The following SLC25A26 variants were observed in gnomAD, a reference collection of about 807,000 sequenced individuals.
SLC25A26 encodes the protein solute carrier family 25 member 26.
Under a neutral mutation model 37.8 loss-of-function variants are expected in SLC25A26, and 36 were observed. That is an observed-to-expected ratio of 0.95 (90% CI 0.73 to 1.26). The LOEUF is 1.26. Ranked by LOEUF, SLC25A26 falls within the 50% of genes most tolerant of loss-of-function variation. The pLI, the probability that SLC25A26 is intolerant of heterozygous loss-of-function variation, is 0.00. For missense variants in SLC25A26, 390 were observed against 331.1 expected, an observed-to-expected ratio of 1.18 and a Z score of -1.38; for synonymous variants, 129 against 122.5, an observed-to-expected ratio of 1.05 and a Z score of -0.35.
chr3:66,179,499 G>A (rs1159018592), intron 1 of SLC25A26, among the ~76,000 whole-genome samples: 1 of 152,176 alleles, frequency 6.6e-6, no homozygotes, highest in Non-Finnish European at 1.5e-5. Flanking sequence ...TTCCGAAAAT[G>A]TAAGATTAGC....
At chr3:66,204,887 A>G (rs1363364644) in intron 1 of SLC25A26, among the ~76,000 whole-genome samples, 2 of 152,186 alleles carry the variant, frequency 1.3e-5, no homozygotes, top group Admixed American at 6.5e-5. Context: ...AACATTTTAA[A>G]CAGCTGACTG....
Position 66,147,330 on chromosome 3 carries a change from A to G in SLC25A26, c.-354+13346A>G, listed in dbSNP as rs1010976450. On this transcript the variant is annotated intron_variant, in intron 1 of 10. Transcript: ENST00000676754. ...AGGCACTCACCACCACGTCCAGATA[A>G]TTTTTTATTTTTTGTAGAGATGGGG... 3.3e-5 allele frequency among the ~76,000 whole-genome samples: 5 copies of G among 150,642 alleles called. No homozygotes were observed. In the South Asian group the frequency reaches 1.1e-3, roughly 32 times the overall value.
At chr3:66,211,414 G>A (rs1052253151) in intron 1 of SLC25A26, among the ~76,000 whole-genome samples, 14 of 152,322 alleles carry the variant, frequency 9.2e-5, no homozygotes, top group East Asian at 1.9e-4. Flanking sequence ...GCACGTAATC[G>A]TGAGGGAGCC....
intron 5 of SLC25A26, 140 bp from the exon 6 acceptor site, chr3:66,346,224 T>C (rs1013441721): frequency 1.1e-5 from 5 of 464,090 alleles, no homozygotes; most frequent in Non-Finnish European, 1.9e-5. Flanking sequence ...TTTCTAAACA[T>C]TATGTCTACT....
intron 5 of SLC25A26, among the ~76,000 whole-genome samples, chr3:66,327,881 G>A (rs1479255030): frequency 1.5e-5 from 2 of 130,056 alleles, no homozygotes; most frequent in Non-Finnish European, 3.1e-5. Context: ...ATTACAAGTA[G>A]GGGATTTTTT....
intron 5 of SLC25A26, among the ~76,000 whole-genome samples, chr3:66,283,717 G>T (rs1328564911): frequency 6.6e-6 from 1 of 152,026 alleles, no homozygotes; most frequent in Non-Finnish European, 1.5e-5. Flanking sequence ...ATTTATTATT[G>T]TTTTAATCTT....
At chr3:66,180,965 T>G (rs2070694298) in intron 1 of SLC25A26, among the ~76,000 whole-genome samples, 1 of 151,994 alleles carries the variant, frequency 6.6e-6, no homozygotes, top group African/African-American at 2.4e-5. Flanking sequence ...GGAGTGTACA[T>G]ACACAGGAAA....
At chr3:66,198,980 C>T in intron 1 of SLC25A26, among the ~76,000 whole-genome samples, 1 of 152,118 alleles carries the variant, frequency 6.6e-6, no homozygotes. Context: ...GTGACCCCAA[C>T]CCTAACCATG....
intron 3 of SLC25A26, among the ~76,000 whole-genome samples, chr3:66,257,877 C>T (rs765150686): frequency 6.6e-6 from 1 of 152,156 alleles, no homozygotes; most frequent in Non-Finnish European, 1.5e-5. Context: ...GAAGCAATAC[C>T]GGTGAACTCT....
chr3:66,334,017 T>C (rs887039631), intron 5 of SLC25A26, among the ~76,000 whole-genome samples: 12 of 152,170 alleles, frequency 7.9e-5, no homozygotes, highest in African/African-American at 2.7e-4. Context: ...TGGAATCTTT[T>C]TGGGCCTAGA....
chr3:66,302,487 T>G (rs988386038), intron 5 of SLC25A26, among the ~76,000 whole-genome samples: 7 of 151,636 alleles, frequency 4.6e-5, no homozygotes, highest in Non-Finnish European at 8.8e-5. Flanking sequence ...TTGACACTTT[T>G]CTCATTCTAG....
chr3:66,300,688 GA>G (rs1159433136), intron 5 of SLC25A26, among the ~76,000 whole-genome samples: 1 of 151,746 alleles, frequency 6.6e-6, no homozygotes, highest in African/African-American at 2.4e-5. Flanking sequence ...TTTGCTTCAT[GA>G]AAAAAAGTTT....
intron 5 of SLC25A26, among the ~76,000 whole-genome samples, chr3:66,284,693 A>G (rs562015913): frequency 4.6e-5 from 7 of 152,200 alleles, no homozygotes; most frequent in Non-Finnish European, 8.8e-5. Context: ...ATTTCATAAC[A>G]AGAGATGCAA....
intron 6 of SLC25A26, among the ~76,000 whole-genome samples, chr3:66,348,990 A>G (rs868230787): frequency 3.9e-5 from 6 of 152,254 alleles, no homozygotes; most frequent in African/African-American, 7.2e-5. Flanking sequence ...TAGTGTCTCA[A>G]TAACCAGCAT....
intron 1 of SLC25A26, among the ~76,000 whole-genome samples, chr3:66,178,118 T>A (rs905404351): frequency 3.3e-5 from 5 of 152,144 alleles, no homozygotes; most frequent in African/African-American, 1.2e-4. Context: ...CACTACTCCA[T>A]ATAGTCAAGT....
intron 1 of SLC25A26, among the ~76,000 whole-genome samples, chr3:66,149,344 T>C (rs1318490214): frequency 6.6e-6 from 1 of 152,102 alleles, no homozygotes; most frequent in Non-Finnish European, 1.5e-5. Context: ...AACTGAAAGA[T>C]GGAAGAAAAA....
chr3:66,317,034 C>T (rs76249919), intron 5 of SLC25A26, among the ~76,000 whole-genome samples: 1,981 of 152,248 alleles, frequency 0.013, 46 homozygotes, highest in African/African-American at 0.044. Context: ...CACTTCTTTG[C>T]AGTGAGTTAG....
At chr3:66,222,213 ACT>A (rs2071529641) in intron 1 of SLC25A26, among the ~76,000 whole-genome samples, 1 of 145,668 alleles carries the variant, frequency 6.9e-6, no homozygotes, top group African/African-American at 2.6e-5. Context: ...AAGGAGTCTC[ACT>A]CTTCGCCCAG....
At chr3:66,306,929 C>T (rs756742497) in intron 5 of SLC25A26, among the ~76,000 whole-genome samples, 19 of 152,090 alleles carry the variant, frequency 1.2e-4, no homozygotes, top group Non-Finnish European at 2.1e-4. Context: ...GGGTTGGTTC[C>T]AAGTCTTTGG....
Sources: allele counts gnomAD v4.1 joint callset (sites outside exome capture counted in the v4.1 genomes callset), GRCh38; gene constraint gnomAD v4.1.1; transcripts MANE v1.5; gene names NCBI Gene and HGNC (gene_info 2026-07-23, HGNC 2026-07-21).